The following AUTS2 variants were observed in gnomAD, a reference collection of about 807,000 sequenced individuals.
The protein encoded by AUTS2 is activator of transcription and developmental regulator AUTS2.
In AUTS2, 17 loss-of-function variants were observed where a neutral mutation model predicts 112.4. The observed-to-expected ratio is 0.15, with a 90% CI of 0.10 to 0.23. The LOEUF (loss-of-function observed/expected upper bound fraction) is 0.23, where lower values mean the gene tolerates loss of function less well. Among genes scored for constraint, AUTS2 ranks in the 10% least tolerant of loss-of-function variants. The pLI is 1.00. For synonymous variants in AUTS2, 751 were observed against 702.7 expected, an observed-to-expected ratio of 1.07 and a Z score of -1.09; for missense variants, 1,510 against 1,701.6, an observed-to-expected ratio of 0.89 and a Z score of 1.98.
At position 70,774,285 on chromosome 7, in the gene AUTS2, G is replaced by A. The variant is rs1790548459; in HGVS notation, c.1902+186G>A. The stretch of plus-strand genomic sequence containing the variant: ...ACACAGTCTCTCCTGCTCACTGCGA[G>A]CATAGGACACAAAGAGACCGACTTG... On this transcript the variant is annotated intron_variant, in intron 12 of 18. Coordinates refer to ENST00000342771, the MANE Select transcript of AUTS2 (RefSeq NM_015570.4). The A allele has an allele frequency of 5.0e-6, 3 of 597,420 alleles. No individual in the cohort carries two copies. In the East Asian group the frequency reaches 8.4e-5, roughly 17 times the overall value. 37.0% of individuals were successfully genotyped at this position (597,420 alleles called of 1,614,324 possible).
chr7:69,814,680 T>C (rs2129525318), intron 1 of AUTS2, among the ~76,000 whole-genome samples: 1 of 152,362 alleles, frequency 6.6e-6, no homozygotes, highest in Admixed American at 6.5e-5. Flanking sequence ...GAATGTGCAC[T>C]TGGGGGCTGA....
intron 5 of AUTS2, among the ~76,000 whole-genome samples, chr7:70,595,272 C>T (rs1803140402): frequency 6.6e-6 from 1 of 151,974 alleles, no homozygotes; most frequent in South Asian, 2.1e-4. Flanking sequence ...TTGGGCAGAG[C>T]GTTGAGGTGT....
At chr7:70,160,488 G>T (rs191275005) in intron 4 of AUTS2, among the ~76,000 whole-genome samples, 2 of 152,250 alleles carry the variant, frequency 1.3e-5, no homozygotes, top group South Asian at 4.1e-4. Context: ...TCCCCATTTA[G>T]CCAAAGTTAG....
At chr7:70,354,062 C>T (rs1027125061) in intron 4 of AUTS2, among the ~76,000 whole-genome samples, 14 of 152,214 alleles carry the variant, frequency 9.2e-5, no homozygotes, top group Admixed American at 2.6e-4. Flanking sequence ...TTGCTAATCG[C>T]GTAAAGTGTG....
chr7:70,778,456 G>A (rs1054583017), intron 14 of AUTS2, among the ~76,000 whole-genome samples: 2 of 151,946 alleles, frequency 1.3e-5, no homozygotes, highest in Non-Finnish European at 2.9e-5. Context: ...AAAGGGTTAC[G>A]TGATTTTTAA....
At chr7:70,715,992 C>G (rs1461784375) in intron 6 of AUTS2, among the ~76,000 whole-genome samples, 1 of 152,162 alleles carries the variant, frequency 6.6e-6, no homozygotes, top group East Asian at 1.9e-4. Context: ...AGGTTATATC[C>G]TGAGAATCTT....
chr7:70,141,294 G>C (rs969485149), intron 4 of AUTS2, among the ~76,000 whole-genome samples: 5 of 152,190 alleles, frequency 3.3e-5, no homozygotes, highest in African/African-American at 9.7e-5. Context: ...AGTCGGGTGA[G>C]TGGGGAAGAG....
intron 1 of AUTS2, among the ~76,000 whole-genome samples, chr7:69,700,252 A>T (rs1283934024): frequency 3.9e-5 from 6 of 151,998 alleles, no homozygotes; most frequent in African/African-American, 1.5e-4. Flanking sequence ...CCAAGATCTG[A>T]TAGTATTTCC....
intron 1 of AUTS2, among the ~76,000 whole-genome samples, chr7:69,724,814 G>A (rs538748013): frequency 6.6e-6 from 1 of 152,258 alleles, no homozygotes; most frequent in East Asian, 1.9e-4. Context: ...ACCCTTAATT[G>A]GTTGTAGAGG....
intron 4 of AUTS2, among the ~76,000 whole-genome samples, chr7:70,230,417 A>G (rs184257782): frequency 6.6e-6 from 1 of 152,336 alleles, no homozygotes; most frequent in Admixed American, 6.5e-5. Flanking sequence ...ACCACCCCTG[A>G]AATCAAAATA....
At position 69,806,995 on chromosome 7, in the gene AUTS2, T is replaced by C. The variant is rs903008111; in HGVS notation, c.310-92291T>C. On this transcript the variant is annotated intron_variant, in intron 1 of 18. Transcript: ENST00000342771. ...TGTAAATTTTTTTTTAGCTGGAAAT[T>C]TTAAACGTGTAGCAAGTGTGGCCAG... Among the ~76,000 whole-genome samples, 3 of 152,138 alleles carry C rather than the reference T, an allele frequency of 2.0e-5. No individual in the cohort carries two copies. The East Asian group carries it at 5.8e-4, about 29-fold the overall frequency.
chr7:69,836,557 T>G (rs1791734565), intron 1 of AUTS2, among the ~76,000 whole-genome samples: 1 of 152,150 alleles, frequency 6.6e-6, no homozygotes, highest in South Asian at 2.1e-4. Flanking sequence ...GCATCCCCAT[T>G]TGAAAGCCCA....
chr7:70,691,604 T>C (rs1808758160), intron 5 of AUTS2, among the ~76,000 whole-genome samples: 1 of 152,140 alleles, frequency 6.6e-6, no homozygotes, highest in African/African-American at 2.4e-5. Context: ...GCATAGGGAA[T>C]AGAGCAGTTT....
chr7:70,497,331 T>C (rs375055352), intron 5 of AUTS2, among the ~76,000 whole-genome samples: 6 of 142,012 alleles, frequency 4.2e-5, no homozygotes, highest in African/African-American at 1.3e-4. Context: ...CTCACACACA[T>C]CACGTACACA....
chr7:69,724,430 G>T (rs1284128404), intron 1 of AUTS2, among the ~76,000 whole-genome samples: 1 of 152,148 alleles, frequency 6.6e-6, no homozygotes, highest in Non-Finnish European at 1.5e-5. Flanking sequence ...TTAGGGAGTT[G>T]TCTCTTTAAT....
chr7:70,280,346 C>G lies in AUTS2; in HGVS notation c.660+145775C>G, dbSNP rs193080302. ...GTCCCCAGGCTGGAGTGCAGTGGCACGATGTCAGCTCACTGCAACTTCTGC... is the reference window on the plus strand; with the variant it reads ...GTCCCCAGGCTGGAGTGCAGTGGCAGGATGTCAGCTCACTGCAACTTCTGC... On this transcript the variant is annotated intron_variant, in intron 4 of 18. Coordinates refer to ENST00000342771, the MANE Select transcript of AUTS2 (RefSeq NM_015570.4). Among the ~76,000 whole-genome samples the G allele has an allele frequency of 3.4e-4, 50 of 148,482 alleles. No individual in the cohort carries two copies. In the East Asian group the frequency reaches 9.3e-3, roughly 28 times the overall value.
intron 2 of AUTS2, among the ~76,000 whole-genome samples, chr7:70,117,715 G>C (rs1298086584): frequency 6.6e-6 from 1 of 151,562 alleles, no homozygotes; most frequent in Non-Finnish European, 1.5e-5. Flanking sequence ...AAACTGAGAA[G>C]AATATTAAAG....
At chr7:69,879,429 C>T (rs945972149) in intron 1 of AUTS2, among the ~76,000 whole-genome samples, 1 of 151,752 alleles carries the variant, frequency 6.6e-6, no homozygotes, top group Non-Finnish European at 1.5e-5. Flanking sequence ...GGATTGCAGG[C>T]GCGAGCCACT....
chr7:70,719,650 G>T (rs1249038625), intron 6 of AUTS2, among the ~76,000 whole-genome samples: 7 of 152,076 alleles, frequency 4.6e-5, no homozygotes, highest in African/African-American at 1.7e-4. Flanking sequence ...TTTTAGTAGA[G>T]ACCGGGTTTC....
Sources: allele counts gnomAD v4.1 joint callset (sites outside exome capture counted in the v4.1 genomes callset), GRCh38; gene constraint gnomAD v4.1.1; transcripts MANE v1.5; gene names NCBI Gene and HGNC (gene_info 2026-07-23, HGNC 2026-07-21).